The following PLSCR1 variants were observed in gnomAD, a reference collection of about 807,000 sequenced individuals.
PLSCR1 encodes the protein PL scramblase 1.
A neutral mutation model predicts 37.8 loss-of-function variants in PLSCR1; 17 were observed. The ratio of observed to expected loss-of-function variants is 0.45; its 90% CI spans 0.31 to 0.68. The LOEUF is 0.68. PLSCR1 is among the 30% of genes least tolerant of loss of function. The pLI is 0.06. For missense variants in PLSCR1, 347 were observed against 380.9 expected (o/e 0.91, Z 0.74); for synonymous variants, 116 against 125.9 (o/e 0.92, Z 0.53).
At chr3:146,540,181 G>A (rs997470486) in intron 1 of PLSCR1, among the ~76,000 whole-genome samples, 1 of 152,148 alleles carries the variant, frequency 6.6e-6, no homozygotes, top group South Asian at 2.1e-4. Flanking sequence ...AAGTTATGTT[G>A]TATATTGTAC....
At chr3:146,528,505 TAC>T in intron 4 of PLSCR1, 107 bp downstream of exon 4, 1 of 859,868 alleles carries the variant, frequency 1.2e-6, no homozygotes. Context: ...TAGCAGAAAA[TAC>T]AGTTTTGCTA....
intron 5 of PLSCR1, among the ~76,000 whole-genome samples, chr3:146,523,158 C>G (rs560700092): frequency 1.3e-5 from 2 of 152,314 alleles, no homozygotes; most frequent in South Asian, 4.1e-4. Flanking sequence ...GTCTCTGTGT[C>G]TTTTCTTTTC....
chr3:146,540,414 G>A lies in PLSCR1; in HGVS notation c.-13-3849C>T, dbSNP rs147222713. ...CTACTACCACGAAGAGGAAGACACA[G>A]CACAGGGGATTTCCAGTTCTGGCTT... On this transcript the variant is annotated intron_variant, in intron 1 of 8. Coordinates refer to ENST00000342435, the MANE Select transcript of PLSCR1 (RefSeq NM_021105.3). 4.6e-3 allele frequency among the ~76,000 whole-genome samples: 705 copies of A among 152,286 alleles called. 4 individuals carry two copies. The highest frequency in any genetic ancestry group is 0.016 in the African/African-American group (681 of 41,566).
chr3:146,533,575 G>C (rs2044228870), intron 2 of PLSCR1, 25 bp from the exon 3 acceptor site: 1 of 1,358,234 alleles, frequency 7.4e-7, no homozygotes, highest in African/African-American at 1.4e-5. Context: ...GAGGTAAATA[G>C]ATGTCTGATT....
intron 4 of PLSCR1, among the ~76,000 whole-genome samples, chr3:146,527,062 G>A (rs999310100): frequency 2.6e-5 from 4 of 152,048 alleles, no homozygotes; most frequent in Admixed American, 6.6e-5. Flanking sequence ...GCTTGAACCC[G>A]GGAGGCGGAG....
chr3:146,543,775 T>C (rs895318941), intron 1 of PLSCR1, among the ~76,000 whole-genome samples: 15 of 152,216 alleles, frequency 9.9e-5, no homozygotes, highest in African/African-American at 3.1e-4. Flanking sequence ...GCTCATTTAA[T>C]AGTTACACAA....
At chr3:146,530,478 C>A (rs1467927915) in intron 3 of PLSCR1, among the ~76,000 whole-genome samples, 1 of 152,028 alleles carries the variant, frequency 6.6e-6, no homozygotes, top group South Asian at 2.1e-4. Flanking sequence ...AGAAAGAAAA[C>A]ACATTTAAAA....
At chr3:146,524,164 T>A (rs958004376) in intron 5 of PLSCR1, among the ~76,000 whole-genome samples, 1 of 152,230 alleles carries the variant, frequency 6.6e-6, no homozygotes, top group Non-Finnish European at 1.5e-5. Flanking sequence ...ATTCATTATC[T>A]AATTAATTGT....
chr3:146,529,414 T>A lies in PLSCR1; in HGVS notation c.95-583A>T, dbSNP rs138749497. On this transcript the variant is annotated intron_variant, in intron 3 of 8. Transcript: ENST00000342435. Reference sequence around the variant, plus strand: ...TAGAGGCCAGGGCTGCTGCTACACATCTTAAAAGAGCCAGAACAGCTCCCT... The same window carrying A: ...TAGAGGCCAGGGCTGCTGCTACACAACTTAAAAGAGCCAGAACAGCTCCCT... Among the ~76,000 whole-genome samples, 17 of 152,086 alleles carry A rather than the reference T, an allele frequency of 1.1e-4. No homozygotes were observed. In the East Asian group the frequency reaches 3.1e-3, roughly 28 times the overall value.
chr3:146,519,457 C>T (rs2043989421), intron 7 of PLSCR1, among the ~76,000 whole-genome samples: 1 of 151,942 alleles, frequency 6.6e-6, no homozygotes, highest in Non-Finnish European at 1.5e-5. Flanking sequence ...TTCATGTGGC[C>T]ATATTTTTTC....
At position 146,521,596 on chromosome 3, in the gene PLSCR1, T is replaced by C. The variant is rs2044021015; in HGVS notation, c.686A>G (p.Lys229Arg). ...IQNEKREDVL[K>R]ISGPCVVCSC... ...GCACACAACACATGGACCACTTATT[T>C]TTAGTACATCCTCTCTTTTCTCATT... Residue 229 changes from lysine (K) to arginine (R), a missense_variant, in exon 7 of 9, where the codon AAA becomes AGA. Transcript: ENST00000342435. 6.2e-7 allele frequency: 1 copy of C among 1,613,884 alleles called. No homozygotes were observed. Among genetic ancestry groups the C allele is most frequent in the African/African-American group, 1.3e-5 (1 of 74,910 alleles).
At chr3:146,524,870 G>A (rs950553358) in intron 5 of PLSCR1, among the ~76,000 whole-genome samples, 2 of 152,156 alleles carry the variant, frequency 1.3e-5, no homozygotes, top group Non-Finnish European at 2.9e-5. Flanking sequence ...GAATTTAGCA[G>A]ACATATTCCT....
Position 146,528,804 on chromosome 3 carries a change from C to T in PLSCR1, c.122G>A (p.Gly41Glu). ...QGPPGYSGYP[G>E]PQVSYPPPPA... Reference sequence around the variant, plus strand: ...TGGGGGTGGGTAGCTGACCTGGGGCCCAGGGTAGCCACTATATCCTGGAGG... The same window carrying T: ...TGGGGGTGGGTAGCTGACCTGGGGCTCAGGGTAGCCACTATATCCTGGAGG... The change falls in exon 4 of 9, where the codon GGG (glycine) becomes GAG (glutamate). Residue 41 changes from glycine (G) to glutamate (E), a missense_variant. Transcript: ENST00000342435. 1 of 1,612,954 alleles carries T rather than the reference C, an allele frequency of 6.2e-7. No individual in the cohort carries two copies. The highest frequency in any genetic ancestry group is 8.5e-7 in the Non-Finnish European group (1 of 1,179,748).
rs758320939 is a variant in PLSCR1, at chr3:146,525,657, GA to G, written c.313-11del. 138 of 1,418,646 alleles carry G rather than the reference GA, an allele frequency of 9.7e-5. No individual in the cohort carries two copies. The Middle Eastern group carries it at 2.0e-3, about 20-fold the overall frequency. The allele number at this position is 1,418,646 out of a possible 1,614,324, so 87.9% of individuals were successfully genotyped here. The stretch of plus-strand genomic sequence containing the variant: ...TCAGTATCTGATCTATCTATAGCAG[GA>G]AAAAAAATAAGTGGTATGTATATGT... On this transcript the variant is annotated splice_polypyrimidine_tract_variant and intron_variant, in intron 4 of 8. Coordinates refer to ENST00000342435, the MANE Select transcript of PLSCR1 (RefSeq NM_021105.3).
intron 7 of PLSCR1, 111 bp downstream of exon 7, chr3:146,521,433 T>C (rs2044018019): frequency 4.5e-6 from 4 of 882,812 alleles, no homozygotes; most frequent in Non-Finnish European, 7.1e-6. Flanking sequence ...ATCATCTTGC[T>C]ATTGAGACAT....
At chr3:146,517,358 A>G in intron 7 of PLSCR1, 191 bp from the exon 8 acceptor site, 1 of 315,702 alleles carries the variant, frequency 3.2e-6, no homozygotes, top group Non-Finnish European at 5.7e-6. Flanking sequence ...CGGAGAAATT[A>G]TATTTCAGAA....
chr3:146,523,437 T>C (rs1488655128), intron 5 of PLSCR1, among the ~76,000 whole-genome samples: 1 of 152,196 alleles, frequency 6.6e-6, no homozygotes, highest in Non-Finnish European at 1.5e-5. Flanking sequence ...GCTATGAAAT[T>C]TTATATTAAA....
chr3:146,528,962 C>T (rs987403758), intron 3 of PLSCR1, 131 bp from the exon 4 acceptor site: 1 of 651,644 alleles, frequency 1.5e-6, no homozygotes, highest in Non-Finnish European at 2.6e-6. Flanking sequence ...GTTTAATACG[C>T]TTTTCTCTTT....
intron 3 of PLSCR1, among the ~76,000 whole-genome samples, chr3:146,529,123 G>C (rs1447726303): frequency 1.3e-5 from 2 of 152,158 alleles, no homozygotes; most frequent in Non-Finnish European, 2.9e-5. Flanking sequence ...CCATGATCTA[G>C]AGTCACCTAC....
Sources: gnomAD v4.1 joint callset for allele counts (sites outside exome capture counted in the v4.1 genomes callset) on GRCh38, gnomAD v4.1.1 for gene constraint, MANE v1.5 for transcripts, NCBI Gene and HGNC (gene_info 2026-07-23, HGNC 2026-07-21) for gene names.